TESK2: variants seen among roughly 807,000 people sequenced by gnomAD.
TESK2 encodes the protein testis associated actin remodelling kinase 2.
Under a neutral mutation model 57.1 loss-of-function variants are expected in TESK2, and 39 were observed. The ratio of observed to expected loss-of-function variants is 0.68; its 90% CI spans 0.53 to 0.89. The LOEUF is 0.89. TESK2 is among the 40% of genes least tolerant of loss of function. The pLI is 0.00. For missense variants in TESK2, 646 were observed against 732.1 expected (o/e 0.88, Z 1.36); for synonymous variants, 249 against 267.9 (o/e 0.93, Z 0.69).
intron 4 of TESK2, among the ~76,000 whole-genome samples, chr1:45,375,289 G>A (rs1648356034): frequency 6.6e-6 from 1 of 151,980 alleles, no homozygotes; most frequent in South Asian, 2.1e-4. Flanking sequence ...TTCTCTTCAT[G>A]CTCTCCACTG....
intron 2 of TESK2, among the ~76,000 whole-genome samples, chr1:45,428,355 G>A (rs1650786849): frequency 6.6e-6 from 1 of 152,028 alleles, no homozygotes. Flanking sequence ...CAGACCAACT[G>A]ATTCAAGAAA....
Position 45,415,426 on chromosome 1 carries a change from G to T in TESK2, c.344+6299C>A, listed in dbSNP as rs112764047. 23 of 687,682 alleles carry T rather than the reference G, an allele frequency of 3.3e-5. No homozygotes were observed. In the East Asian group the frequency reaches 5.8e-4, roughly 17 times the overall value. 42.6% of individuals were successfully genotyped at this position (687,682 alleles called of 1,614,324 possible). On this transcript the variant is annotated intron_variant, in intron 3 of 10. Coordinates refer to ENST00000372086, the MANE Select transcript of TESK2 (RefSeq NM_007170.3). Reference sequence around the variant, plus strand: ...GAGCACTCCTCCACCCCATTTGCTCGCAATATCCCATAATCTTTGTGCTTT... The same window carrying T: ...GAGCACTCCTCCACCCCATTTGCTCTCAATATCCCATAATCTTTGTGCTTT...
intron 4 of TESK2, among the ~76,000 whole-genome samples, chr1:45,379,796 G>A (rs1019104574): frequency 4.4e-4 from 67 of 152,172 alleles, no homozygotes; most frequent in African/African-American, 1.5e-3. Flanking sequence ...TAAAAAGACC[G>A]AATCACCTCG....
At chr1:45,351,703 C>A (rs1370405544) in intron 5 of TESK2, among the ~76,000 whole-genome samples, 2 of 152,204 alleles carry the variant, frequency 1.3e-5, no homozygotes, top group Non-Finnish European at 2.9e-5. Flanking sequence ...CACGGAGGTT[C>A]CAAGGTCACT....
intron 1 of TESK2, among the ~76,000 whole-genome samples, chr1:45,483,601 G>GA (rs11286213): frequency 0.061 from 8,047 of 132,288 alleles, 660 homozygotes; most frequent in African/African-American, 0.19. Flanking sequence ...TCAGAAAAAA[G>GA]AAAAAAAAAA....
chr1:45,475,085 A>T (rs201562858), intron 1 of TESK2, among the ~76,000 whole-genome samples: 3 of 146,188 alleles, frequency 2.1e-5, no homozygotes, highest in Non-Finnish European at 3.0e-5. Flanking sequence ...AAAAAAAAGA[A>T]AAGAAAAGAA....
intron 5 of TESK2, among the ~76,000 whole-genome samples, chr1:45,349,858 C>T (rs1022642966): frequency 2.6e-5 from 4 of 152,198 alleles, no homozygotes; most frequent in African/African-American, 9.7e-5. Flanking sequence ...AAGCATGTGT[C>T]AAGCTGGGTG....
intron 1 of TESK2, among the ~76,000 whole-genome samples, chr1:45,476,486 A>C (rs1652995337): frequency 6.6e-6 from 1 of 151,714 alleles, no homozygotes; most frequent in Non-Finnish European, 1.5e-5. Flanking sequence ...CGGCCTCGGC[A>C]CTAGAGCAAG....
chr1:45,399,000 A>AC (rs1338249638), intron 3 of TESK2: 9 of 435,028 alleles, frequency 2.1e-5, no homozygotes, highest in Non-Finnish European at 3.2e-5. Flanking sequence ...AAAAAAAAAA[A>AC]AAAAAAACAA....
intron 4 of TESK2, among the ~76,000 whole-genome samples, chr1:45,377,847 G>A (rs1343781168): frequency 6.6e-6 from 1 of 151,650 alleles, no homozygotes; most frequent in Non-Finnish European, 1.5e-5. Flanking sequence ...CCAACATGGT[G>A]AAAACATGTC....
intron 3 of TESK2, among the ~76,000 whole-genome samples, chr1:45,421,504 G>C (rs939586397): frequency 6.6e-6 from 1 of 152,090 alleles, no homozygotes; most frequent in African/African-American, 2.4e-5. Context: ...TGAGAGTAAA[G>C]CAACTTAAGA....
chr1:45,370,813 T>C (rs980996018), intron 4 of TESK2, among the ~76,000 whole-genome samples: 2 of 151,980 alleles, frequency 1.3e-5, no homozygotes, highest in African/African-American at 2.4e-5. Flanking sequence ...AGTGAGGCCA[T>C]AGAGATAAGC....
In TESK2 at chr1:45,347,705, GATT is replaced by G. The variant is rs776750956; in HGVS notation, c.624-15_624-13del. ...TCTCACTCCCCATGCTGTGGGGTGA[GATT>G]ATACAGAAAATGAGCTTGCCAATGG... On this transcript the variant is annotated splice_polypyrimidine_tract_variant and intron_variant, in intron 6 of 10. Transcript: ENST00000372086. 4 of 1,613,388 alleles carry G rather than the reference GATT, an allele frequency of 2.5e-6. No homozygotes were observed. The Admixed American group carries it at 6.7e-5, about 27-fold the overall frequency.
chr1:45,372,297 GC>G (rs901371604), intron 4 of TESK2, among the ~76,000 whole-genome samples: 8 of 151,588 alleles, frequency 5.3e-5, no homozygotes, highest in African/African-American at 1.9e-4. Context: ...AGATCTGGCA[GC>G]CAGGCACAGT....
chr1:45,349,751 G>C (rs1647205598), intron 5 of TESK2, among the ~76,000 whole-genome samples: 1 of 152,216 alleles, frequency 6.6e-6, no homozygotes, highest in Non-Finnish European at 1.5e-5. Context: ...ATTTGCCTCT[G>C]TATCTGTAAC....
intron 5 of TESK2, among the ~76,000 whole-genome samples, chr1:45,353,275 T>TCCAGGTCCCAACTG (rs1647285009): frequency 6.6e-6 from 1 of 152,200 alleles, no homozygotes; most frequent in Admixed American, 6.5e-5. Flanking sequence ...GATATCACCT[T>TCCAGGTCCCAACTG]CCAGGTCCCA....
intron 4 of TESK2, among the ~76,000 whole-genome samples, chr1:45,382,726 C>T (rs1488816861): frequency 1.3e-5 from 2 of 152,012 alleles, no homozygotes; most frequent in African/African-American, 4.8e-5. Flanking sequence ...CAAAATTAGC[C>T]GGTCATGGTG....
At chr1:45,428,362 GA>G (rs1163690151) in intron 2 of TESK2, among the ~76,000 whole-genome samples, 1 of 151,742 alleles carries the variant, frequency 6.6e-6, no homozygotes, top group Non-Finnish European at 1.5e-5. Flanking sequence ...ACTGATTCAA[GA>G]AAAAAAGCAC....
intron 4 of TESK2, among the ~76,000 whole-genome samples, chr1:45,362,271 T>C (rs1647719632): frequency 6.6e-6 from 1 of 152,186 alleles, no homozygotes; most frequent in Non-Finnish European, 1.5e-5. Flanking sequence ...CTAAAGAGTA[T>C]AGGTTCTTCC....
Sources: allele counts gnomAD v4.1 joint callset (sites outside exome capture counted in the v4.1 genomes callset), GRCh38; gene constraint gnomAD v4.1.1; transcripts MANE v1.5; gene names NCBI Gene and HGNC (gene_info 2026-07-23, HGNC 2026-07-21).